The following GRIP1 variants were observed in gnomAD, a reference collection of about 807,000 sequenced individuals.
GRIP1 encodes glutamate receptor interacting protein 1.
GRIP1 carries 45 observed loss-of-function variants against 129.9 expected under a neutral mutation model. The ratio of observed to expected loss-of-function variants is 0.35; its 90% CI spans 0.27 to 0.44. The LOEUF (loss-of-function observed/expected upper bound fraction) is 0.44. Ranked by LOEUF, GRIP1 falls within the 20% of genes least tolerant of loss-of-function variation. The pLI is 1.00. For missense variants in GRIP1, 1,196 were observed against 1,396.8 expected (o/e 0.86, Z 2.29); for synonymous variants, 530 against 520.8 (o/e 1.02, Z -0.24).
chr12:66,978,643 T>C (rs2042191008), intron 1 of GRIP1, among the ~76,000 whole-genome samples: 1 of 152,234 alleles, frequency 6.6e-6, no homozygotes, highest in South Asian at 2.1e-4. Flanking sequence ...GTCTTCTTTT[T>C]GTCCTAAACA....
intron 1 of GRIP1, among the ~76,000 whole-genome samples, chr12:67,045,574 G>A (rs1353153007): frequency 6.6e-6 from 1 of 152,190 alleles, no homozygotes; most frequent in East Asian, 1.9e-4. Flanking sequence ...GCCTGAGGAA[G>A]GCAAATGATA....
At chr12:67,056,791 T>G (rs2043444045) in intron 1 of GRIP1, among the ~76,000 whole-genome samples, 1 of 152,078 alleles carries the variant, frequency 6.6e-6, no homozygotes, top group South Asian at 2.1e-4. Context: ...ATGGACTGAA[T>G]GGTTTTGTTT....
At chr12:66,621,397 T>A (rs972275691) in intron 1 of GRIP1, among the ~76,000 whole-genome samples, 7 of 152,214 alleles carry the variant, frequency 4.6e-5, no homozygotes, top group African/African-American at 1.2e-4. Flanking sequence ...CTTAGCATAA[T>A]GTCTTCCAAG....
At chr12:66,875,726 C>T (rs1202021951) in intron 1 of GRIP1, among the ~76,000 whole-genome samples, 1 of 152,042 alleles carries the variant, frequency 6.6e-6, no homozygotes, top group African/African-American at 2.4e-5. Context: ...TATTGTGGTG[C>T]TTTAACTGGT....
At chr12:66,377,109 A>G (rs1399578034) in intron 21 of GRIP1, 48 bp from the exon 22 acceptor site, 1 of 1,584,624 alleles carries the variant, frequency 6.3e-7, no homozygotes, top group African/African-American at 1.3e-5. Flanking sequence ...GAGAAATGCA[A>G]ACTTAAAAGG....
Position 66,598,356 on chromosome 12 carries a change from TATTTA to T in GRIP1, c.56-1434_56-1430del, listed in dbSNP as rs941878128. 2.0e-5 allele frequency among the ~76,000 whole-genome samples: 3 copies of T among 152,220 alleles called. 1 individual carries two copies. The highest frequency in any genetic ancestry group is 4.8e-5 in the African/African-American group (2 of 41,456). On this transcript the variant is annotated intron_variant, in intron 1 of 24. Transcript: ENST00000359742. ...TAGAAGTCACGCTGTTTCATGTTTATATTTAATTTGTCACACAATTTTTTATATTC... is the reference window on the plus strand; with the variant it reads ...TAGAAGTCACGCTGTTTCATGTTTATATTTGTCACACAATTTTTTATATTC...
chr12:66,457,481 C>T (rs2059002078), intron 9 of GRIP1, among the ~76,000 whole-genome samples: 1 of 152,002 alleles, frequency 6.6e-6, no homozygotes, highest in Non-Finnish European at 1.5e-5. Context: ...GCCTATGTTG[C>T]CCAAGCTGGT....
intron 1 of GRIP1, among the ~76,000 whole-genome samples, chr12:66,627,601 G>A (rs1045749853): frequency 6.6e-6 from 1 of 152,122 alleles, no homozygotes; most frequent in Non-Finnish European, 1.5e-5. Context: ...TTTATCTGAG[G>A]ATACGTCTTT....
chr12:66,832,030 A>C (rs2039528581), intron 1 of GRIP1, among the ~76,000 whole-genome samples: 1 of 138,762 alleles, frequency 7.2e-6, no homozygotes, highest in African/African-American at 2.5e-5. Context: ...CATTTGGAAA[A>C]ATTTTAGGTT....
intron 1 of GRIP1, among the ~76,000 whole-genome samples, chr12:66,644,556 A>T (rs1016615669): frequency 2.0e-5 from 3 of 152,216 alleles, no homozygotes; most frequent in African/African-American, 4.8e-5. Flanking sequence ...AATAAATTAC[A>T]ACATATTTTG....
At chr12:66,375,618 T>C (rs1434892762) in intron 22 of GRIP1, among the ~76,000 whole-genome samples, 1 of 152,198 alleles carries the variant, frequency 6.6e-6, no homozygotes, top group Non-Finnish European at 1.5e-5. Flanking sequence ...GCTTATAAAT[T>C]CAACTCATTT....
intron 7 of GRIP1, among the ~76,000 whole-genome samples, chr12:66,467,652 C>A (rs760426098): frequency 6.6e-6 from 1 of 152,164 alleles, no homozygotes; most frequent in African/African-American, 2.4e-5. Context: ...TGTGGCTGAG[C>A]CCAGTGCACA....
At chr12:66,450,144 C>G (rs2058739545) in intron 11 of GRIP1, among the ~76,000 whole-genome samples, 1 of 150,928 alleles carries the variant, frequency 6.6e-6, no homozygotes, top group African/African-American at 2.4e-5. Context: ...ACTAAAAATA[C>G]AAAAACAAAA....
intron 1 of GRIP1, among the ~76,000 whole-genome samples, chr12:66,830,831 A>ATTT (rs113993317): frequency 4.3e-5 from 6 of 139,056 alleles, no homozygotes; most frequent in Non-Finnish European, 7.7e-5. Context: ...TGGTATCTGA[A>ATTT]TTTTTTTTTT....
intron 23 of GRIP1, among the ~76,000 whole-genome samples, chr12:66,363,185 A>ATG (rs59061250): frequency 9.6e-5 from 6 of 62,346 alleles, no homozygotes; most frequent in African/African-American, 2.8e-4. Flanking sequence ...ATATGTATAT[A>ATG]TGTGTGTGTG....
At chr12:66,693,582 T>A (rs73327041) in intron 1 of GRIP1, among the ~76,000 whole-genome samples, 1 of 152,126 alleles carries the variant, frequency 6.6e-6, no homozygotes, top group African/African-American at 2.4e-5. Flanking sequence ...AGAATTTTTT[T>A]AAACACATTC....
At chr12:66,850,700 C>T (rs1463038127) in intron 1 of GRIP1, among the ~76,000 whole-genome samples, 2 of 151,912 alleles carry the variant, frequency 1.3e-5, no homozygotes, top group African/African-American at 4.8e-5. Flanking sequence ...ATTCAGAGCA[C>T]ATTTTCTCAA....
rs564254244 is a variant in GRIP1 at position 66,749,730 on chromosome 12, C to T, written c.-420+54323G>A. Among the ~76,000 whole-genome samples, 5 of 152,210 alleles carry T rather than the reference C, an allele frequency of 3.3e-5. No homozygotes were observed. In the East Asian group the frequency reaches 9.7e-4, roughly 29 times the overall value. The stretch of plus-strand genomic sequence containing the variant: ...TTCCGGATGACCCCCTCCCTACTGC[C>T]ACCACCAACCCTTTTACCCATCCTG... On this transcript the variant is annotated intron_variant, in intron 1 of 4. Transcript: ENST00000538373.
At chr12:66,456,657 C>A (rs1050941352) in intron 9 of GRIP1, among the ~76,000 whole-genome samples, 3 of 123,770 alleles carry the variant, frequency 2.4e-5, no homozygotes, top group African/African-American at 3.6e-5. Context: ...AGATTAAGAA[C>A]ATTTTTTTTA....
Sources: gnomAD v4.1 joint callset for allele counts (sites outside exome capture counted in the v4.1 genomes callset) on GRCh38, gnomAD v4.1.1 for gene constraint, MANE v1.5 for transcripts, NCBI Gene and HGNC (gene_info 2026-07-23, HGNC 2026-07-21) for gene names.